TAX1BP1: variants seen among roughly 807,000 people sequenced by gnomAD.
The protein encoded by TAX1BP1 is tax1-binding protein 1.
A neutral mutation model predicts 97.7 loss-of-function variants in TAX1BP1; 62 were observed. The observed-to-expected ratio is 0.63, with a 90% CI of 0.52 to 0.78. The LOEUF is 0.78. Among genes scored for constraint, TAX1BP1 ranks in the 30% least tolerant of loss-of-function variants. The probability of loss-of-function intolerance (pLI) is 0.00; values close to 1 mark genes in which losing one functional copy is unlikely to be tolerated. For synonymous variants in TAX1BP1, 340 were observed against 304.2 expected, an observed-to-expected ratio of 1.12 and a Z score of -1.23; for missense variants, 867 against 916.1, an observed-to-expected ratio of 0.95 and a Z score of 0.69.
intron 1 of TAX1BP1, among the ~76,000 whole-genome samples, chr7:27,747,878 TA>T (rs1305900753): frequency 6.6e-6 from 1 of 151,516 alleles, no homozygotes; most frequent in African/African-American, 2.4e-5. Flanking sequence ...TTTTTTTTTT[TA>T]AAGGCCCCTA....
chr7:27,754,117 C>T (rs758858495), intron 2 of TAX1BP1, among the ~76,000 whole-genome samples: 1 of 151,990 alleles, frequency 6.6e-6, no homozygotes, highest in Non-Finnish European at 1.5e-5. Flanking sequence ...AACAAAACCT[C>T]CCTGTAAGGT....
chr7:27,757,790 G>A lies in TAX1BP1; in HGVS notation c.163-241G>A, dbSNP rs148133484. Among the ~76,000 whole-genome samples, 1,427 of 151,966 alleles carry A rather than the reference G, an allele frequency of 9.4e-3. 12 individuals carry two copies. Among genetic ancestry groups the A allele is most frequent in the Non-Finnish European group, 0.015 (1,040 of 67,884 alleles). On this transcript the variant is annotated intron_variant, in intron 2 of 16. Coordinates refer to ENST00000396319, the MANE Select transcript of TAX1BP1 (RefSeq NM_006024.7). The stretch of plus-strand genomic sequence containing the variant: ...ATAGTTAGATTATCCTTGAGAAATT[G>A]GATAGCAAATTGCATTTTAATATAG...
In TAX1BP1 at chr7:27,751,828, A is replaced by AT. The variant is rs200002802; in HGVS notation, c.162+3149dup. Among the ~76,000 whole-genome samples, 62 of 151,906 alleles carry AT rather than the reference A, an allele frequency of 4.1e-4. No homozygotes were observed. The East Asian group carries it at 0.01, about 25-fold the overall frequency. On this transcript the variant is annotated intron_variant, in intron 2 of 16. Coordinates refer to ENST00000396319, the MANE Select transcript of TAX1BP1 (RefSeq NM_006024.7). ...TATCAATTAAAAATTTATTATTATT[A>AT]TTTTTTTAGAGACTGGGTTTTGCCA...
At chr7:27,813,221 G>A (rs938833935) in intron 13 of TAX1BP1, among the ~76,000 whole-genome samples, 2 of 137,128 alleles carry the variant, frequency 1.5e-5, no homozygotes, top group Non-Finnish European at 3.0e-5. Context: ...TGGCTTGATC[G>A]TAGTTCACTG....
chr7:27,764,784 C>A (rs1268948000), intron 3 of TAX1BP1, among the ~76,000 whole-genome samples: 2 of 151,730 alleles, frequency 1.3e-5, no homozygotes, highest in Non-Finnish European at 2.9e-5. Context: ...TTTTCTTCTT[C>A]TCCATGGAAT....
chr7:27,824,278 C>G (rs537294679), intron 15 of TAX1BP1, among the ~76,000 whole-genome samples: 5 of 152,014 alleles, frequency 3.3e-5, no homozygotes, highest in Non-Finnish European at 7.4e-5. Context: ...CCTTTACCAT[C>G]AGGCCAGGCA....
chr7:27,785,223 A>C lies in TAX1BP1; in HGVS notation c.673A>C (p.Ser225Arg), dbSNP rs1451124580. 6.2e-7 allele frequency: 1 copy of C among 1,613,414 alleles called. No homozygotes were observed. The highest frequency in any genetic ancestry group is 1.7e-5 in the Admixed American group (1 of 60,012). ...MENEEFKKRF[S>R]DATSKAHQLE... ...AAATGAAGAGTTTAAGAAGAGGTTC[A>C]GTGATGCTACATCCAAAGCCCATCA... The change falls in exon 6 of 17, where the codon AGT (serine) becomes CGT (arginine). Residue 225 changes from serine to arginine, a missense_variant. Around this residue, in one of 3 missense-constraint regions of TAX1BP1, gnomAD observed 822 missense variants for 851.4 expected, o/e 0.97. Transcript: ENST00000396319.
chr7:27,796,047 AT>A, intron 11 of TAX1BP1, 68 bp from the exon 12 acceptor site: 1 of 1,188,512 alleles, frequency 8.4e-7, no homozygotes, highest in Non-Finnish European at 1.2e-6. Flanking sequence ...CCTTTAAGTT[AT>A]TCTGAACAGG....
intron 3 of TAX1BP1, among the ~76,000 whole-genome samples, chr7:27,761,469 C>G (rs1306035944): frequency 1.3e-5 from 2 of 152,190 alleles, no homozygotes; most frequent in African/African-American, 2.4e-5. Flanking sequence ...CTAAAAGTCT[C>G]CTGTGTCCCA....
chr7:27,819,650 T>C (rs541672971), intron 15 of TAX1BP1, among the ~76,000 whole-genome samples: 2 of 152,302 alleles, frequency 1.3e-5, no homozygotes, highest in South Asian at 4.1e-4. Flanking sequence ...TAAATATGTG[T>C]TTTTGACTTG....
chr7:27,800,965 G>T (rs1203221641), intron 13 of TAX1BP1, among the ~76,000 whole-genome samples: 2 of 151,962 alleles, frequency 1.3e-5, no homozygotes, highest in Non-Finnish European at 2.9e-5. Flanking sequence ...TTAGCCAGGC[G>T]TGGTGGTGGG....
At chr7:27,782,394 C>G (rs1789294824) in intron 5 of TAX1BP1, among the ~76,000 whole-genome samples, 1 of 151,906 alleles carries the variant, frequency 6.6e-6, no homozygotes, top group Non-Finnish European at 1.5e-5. Flanking sequence ...CACACACCAC[C>G]ACGCCCAGCT....
chr7:27,779,753 G>A (rs1385952897), intron 5 of TAX1BP1, among the ~76,000 whole-genome samples: 2 of 152,072 alleles, frequency 1.3e-5, no homozygotes, highest in Non-Finnish European at 2.9e-5. Context: ...GGAGGGGATC[G>A]CAGATTTGCT....
chr7:27,777,631 C>T (rs545902096), intron 5 of TAX1BP1, among the ~76,000 whole-genome samples: 78 of 152,248 alleles, frequency 5.1e-4, no homozygotes, highest in African/African-American at 1.8e-3. Context: ...GCAGATCTCT[C>T]GAGTTCTTTT....
chr7:27,749,819 G>T (rs1383819359), intron 2 of TAX1BP1, among the ~76,000 whole-genome samples: 1 of 152,072 alleles, frequency 6.6e-6, no homozygotes, highest in African/African-American at 2.4e-5. Context: ...TTGAGACAGG[G>T]TCTTATTCTA....
At chr7:27,805,152 G>T (rs957530960) in intron 13 of TAX1BP1, among the ~76,000 whole-genome samples, 2 of 152,174 alleles carry the variant, frequency 1.3e-5, no homozygotes, top group African/African-American at 4.8e-5. Flanking sequence ...TGTATGAGAA[G>T]TGGACCTGTT....
chr7:27,810,638 T>C (rs1290959930), intron 13 of TAX1BP1, among the ~76,000 whole-genome samples: 1 of 152,174 alleles, frequency 6.6e-6, no homozygotes, highest in Non-Finnish European at 1.5e-5. Context: ...ACATCTGACC[T>C]TCAACTTGTC....
rs765579077 is a variant in TAX1BP1 at position 27,828,611 on chromosome 7, T to C, written c.2169-17T>C. ...CATTTATTAGAAACATGTAATTCTT[T>C]CATTTTTCTCTTTAAGCTTTGATGT... On this transcript the variant is annotated splice_polypyrimidine_tract_variant and intron_variant, in intron 16 of 16. Transcript: ENST00000396319. 39 of 1,609,200 alleles carry C rather than the reference T, an allele frequency of 2.4e-5. No individual in the cohort carries two copies. Among genetic ancestry groups the C allele is most frequent in the Non-Finnish European group, 3.3e-5 (39 of 1,176,106 alleles).
intron 2 of TAX1BP1, among the ~76,000 whole-genome samples, chr7:27,749,082 G>C (rs888835402): frequency 1.2e-4 from 19 of 152,068 alleles, no homozygotes; most frequent in African/African-American, 4.6e-4. Context: ...TGTCCTGCAT[G>C]GCTTAAATAT....
Sources: gnomAD v4.1 joint callset for allele counts (sites outside exome capture counted in the v4.1 genomes callset) on GRCh38, gnomAD v4.1.1 for gene constraint, gnomAD v4.1.1 regional missense constraint, MANE v1.5 for transcripts, NCBI Gene and HGNC (gene_info 2026-07-23, HGNC 2026-07-21) for gene names.